Variants in SLC9D1 observed in about 807,000 individuals in gnomAD.
SLC9D1 encodes the protein putative LAG1-interacting protein.
chr13:113,531,713 G>A, the SLC9D1 span, among the ~76,000 whole-genome samples: 684 of 150,840 alleles, frequency 4.5e-3, 1 homozygote, highest in Middle Eastern at 0.031. Flanking sequence ...AGAGCAGCAC[G>A]CACGTGGACC....
chr13:113,539,740 G>T, the SLC9D1 span, among the ~76,000 whole-genome samples: 4 of 151,990 alleles, frequency 2.6e-5, no homozygotes, highest in African/African-American at 9.7e-5. This position sits in a 1 kb window ranked among gnomAD's most constrained non-coding sequence, Gnocchi z 4.8. Context: ...TTTCCTTTAG[G>T]CTCAGGGTAC....
At chr13:113,527,735 G>GTTTT in the SLC9D1 span, 2 of 151,928 alleles carry the variant, frequency 1.3e-5, no homozygotes, top group Non-Finnish European at 2.9e-5. Context: ...GAAGTTTTCA[G>GTTTT]CCATCATTTC....
At chr13:113,508,034 G>A in the SLC9D1 span, among the ~76,000 whole-genome samples, 35 of 152,376 alleles carry the variant, frequency 2.3e-4, no homozygotes, top group South Asian at 1.4e-3. Context: ...CGGGTCCCGT[G>A]TTGAACAGGA....
the SLC9D1 span, among the ~76,000 whole-genome samples, chr13:113,533,080 A>G: frequency 1.8e-5 from 1 of 54,200 alleles, no homozygotes; most frequent in Non-Finnish European, 3.4e-5. Flanking sequence ...TGGGCCCTGC[A>G]GCGAGCTCTG....
At chr13:113,545,297 G>A in the SLC9D1 span, among the ~76,000 whole-genome samples, 2,858 of 132,342 alleles carry the variant, frequency 0.022, 41 homozygotes, top group Middle Eastern at 0.06. Flanking sequence ...GAAACATCGA[G>A]CTGGGTCCAC....
At chr13:113,542,510 G>A in the SLC9D1 span, among the ~76,000 whole-genome samples, 1 of 152,250 alleles carries the variant, frequency 6.6e-6, no homozygotes, top group Non-Finnish European at 1.5e-5. Context: ...CCCACACAGG[G>A]CAAGTGGTGG....
the SLC9D1 span, chr13:113,539,340 C>T: frequency 1.6e-5 from 26 of 1,609,118 alleles, no homozygotes; most frequent in Admixed American, 6.7e-5. This position sits in a 1 kb window ranked among gnomAD's most constrained non-coding sequence, Gnocchi z 4.8. Context: ...TGTAAAGCTG[C>T]GTCCTGCCTC....
chr13:113,548,585 A>G, the SLC9D1 span: 1 of 956,458 alleles, frequency 1.0e-6, no homozygotes, highest in Non-Finnish European at 1.5e-6. Flanking sequence ...GGGGGCACGC[A>G]GAGGCCTGGC....
chr13:113,549,025 G>A, the SLC9D1 span, among the ~76,000 whole-genome samples: 1 of 152,226 alleles, frequency 6.6e-6, no homozygotes, highest in Non-Finnish European at 1.5e-5. Context: ...AGGCTGGCTT[G>A]TTACTGTGGC....
At chr13:113,508,287 CA>C in the SLC9D1 span, among the ~76,000 whole-genome samples, 4 of 152,230 alleles carry the variant, frequency 2.6e-5, no homozygotes, top group South Asian at 8.3e-4. Flanking sequence ...AGTGGCAGAT[CA>C]GGCCTCAACT....
the SLC9D1 span, among the ~76,000 whole-genome samples, chr13:113,533,413 T>G: frequency 7.9e-5 from 12 of 152,210 alleles, no homozygotes; most frequent in Admixed American, 4.6e-4. Context: ...ATAGGTTTCC[T>G]CCACCGAGGA....
the SLC9D1 span, among the ~76,000 whole-genome samples, chr13:113,537,541 A>C: frequency 1.3e-5 from 2 of 152,260 alleles, no homozygotes; most frequent in African/African-American, 4.8e-5. Context: ...AATGTCTTGC[A>C]GTTTGTGACT....
chr13:113,510,127 A>G, the SLC9D1 span: 1 of 1,017,602 alleles, frequency 9.8e-7, no homozygotes, highest in East Asian at 2.4e-5. Context: ...GTTGCTTCAC[A>G]AAAGCTCAGC....
the SLC9D1 span, among the ~76,000 whole-genome samples, chr13:113,509,249 C>T: frequency 1.8e-3 from 251 of 140,978 alleles, 4 homozygotes; most frequent in African/African-American, 3.4e-3. Flanking sequence ...CCCCCTGGCG[C>T]TGCCTGTCTA....
the SLC9D1 span, among the ~76,000 whole-genome samples, chr13:113,521,455 G>A: frequency 1.3e-5 from 2 of 151,224 alleles, no homozygotes; most frequent in South Asian, 4.2e-4. Context: ...TGGTATGTCT[G>A]TAGGGGGGTA....
At chr13:113,533,841 T>A in the SLC9D1 span, among the ~76,000 whole-genome samples, 1 of 152,234 alleles carries the variant, frequency 6.6e-6, no homozygotes, top group Non-Finnish European at 1.5e-5. Flanking sequence ...TGCAAACCAA[T>A]GCAGCTTCCA....
chr13:113,501,453 C>T, the SLC9D1 span, among the ~76,000 whole-genome samples: 40 of 152,246 alleles, frequency 2.6e-4, no homozygotes, highest in African/African-American at 7.0e-4. Flanking sequence ...CTTGAGCATC[C>T]GAGGATTCTG....
At chr13:113,537,028 C>T in the SLC9D1 span, among the ~76,000 whole-genome samples, 3 of 152,232 alleles carry the variant, frequency 2.0e-5, no homozygotes, top group Admixed American at 2.0e-4. Flanking sequence ...TTCCCGATGG[C>T]TGGTCCCTCA....
the SLC9D1 span, among the ~76,000 whole-genome samples, chr13:113,507,809 G>C: frequency 1.3e-5 from 2 of 152,202 alleles, no homozygotes; most frequent in Non-Finnish European, 2.9e-5. Context: ...GGCCCTTCAG[G>C]GGCTGCTGGG....
Sources: allele counts gnomAD v4.1 joint callset (sites outside exome capture counted in the v4.1 genomes callset), GRCh38; gene constraint gnomAD v4.1.1; non-coding constraint Gnocchi (gnomAD v3.1); transcripts MANE v1.5; gene names NCBI Gene and HGNC (gene_info 2026-07-23, HGNC 2026-07-21).